SFXN5: variants seen among roughly 807,000 people sequenced by gnomAD.
The protein encoded by SFXN5 is sideroflexin 5, also known as sideroflexin-5.
Under a neutral mutation model 50.2 loss-of-function variants are expected in SFXN5, and 43 were observed. That is an observed-to-expected ratio of 0.86 (90% confidence interval 0.67 to 1.11). The LOEUF (loss-of-function observed/expected upper bound fraction) is 1.11. Ranked by LOEUF, SFXN5 falls within the 50% of genes least tolerant of loss-of-function variation. The probability of loss-of-function intolerance (pLI) is 0.00; values close to 1 mark genes in which losing one functional copy is unlikely to be tolerated. For missense variants in SFXN5, 463 were observed against 454.1 expected (o/e 1.02, Z -0.18); for synonymous variants, 203 against 185.8 (o/e 1.09, Z -0.75).
intron 2 of SFXN5, among the ~76,000 whole-genome samples, chr2:73,048,193 T>C (rs768968345): frequency 1.3e-5 from 2 of 152,240 alleles, no homozygotes; most frequent in Non-Finnish European, 2.9e-5. Context: ...TATAGAGATA[T>C]AGATACGTAC....
intron 10 of SFXN5, among the ~76,000 whole-genome samples, chr2:72,986,244 T>C (rs1671911482): frequency 6.6e-6 from 1 of 152,210 alleles, no homozygotes; most frequent in African/African-American, 2.4e-5. Context: ...GGTGGCTGGT[T>C]CTCGGAATTC....
rs181166696 is a variant in SFXN5 at position 73,069,765 on chromosome 2, G to A, written c.102+1839C>T. Among the ~76,000 whole-genome samples the A allele has an allele frequency of 2.6e-5, 4 of 152,054 alleles. No individual in the cohort carries two copies. In the East Asian group the frequency reaches 7.7e-4, roughly 29 times the overall value. Reference sequence around the variant, plus strand: ...AGACGTATTTGATAAATGTCTGTTAGGTCACTGAATGTCCCTAGTGCCACA... The same window carrying A: ...AGACGTATTTGATAAATGTCTGTTAAGTCACTGAATGTCCCTAGTGCCACA... On this transcript the variant is annotated intron_variant, in intron 1 of 13. Coordinates refer to ENST00000272433, the MANE Select transcript of SFXN5 (RefSeq NM_144579.3).
chr2:72,969,697 C>CTT (rs35747238), intron 11 of SFXN5, among the ~76,000 whole-genome samples: 3,310 of 142,068 alleles, frequency 0.023, 131 homozygotes, highest in African/African-American at 0.078. Context: ...GCCCGGCCTA[C>CTT]TTTTTTTTTT....
chr2:72,954,066 G>A (rs1000048300), intron 13 of SFXN5, among the ~76,000 whole-genome samples: 16 of 152,256 alleles, frequency 1.1e-4, no homozygotes, highest in Non-Finnish European at 1.9e-4. Flanking sequence ...TTCCTGCCTC[G>A]TCTACCACAT....
chr2:73,056,975 G>T (rs905677638), intron 2 of SFXN5, among the ~76,000 whole-genome samples: 1 of 152,092 alleles, frequency 6.6e-6, no homozygotes, highest in African/African-American at 2.4e-5. Context: ...CACAAAGAAT[G>T]TTCATATAGT....
intron 3 of SFXN5, among the ~76,000 whole-genome samples, chr2:73,039,880 G>A (rs1034890057): frequency 6.6e-6 from 1 of 151,322 alleles, no homozygotes; most frequent in African/African-American, 2.4e-5. Context: ...GCGCAGTCTC[G>A]GCTCACTGCA....
intron 10 of SFXN5, among the ~76,000 whole-genome samples, chr2:72,985,082 C>T (rs1671741426): frequency 6.6e-6 from 1 of 152,172 alleles, no homozygotes; most frequent in South Asian, 2.1e-4. Context: ...CCTTCCACTC[C>T]ACTCACATCC....
At chr2:72,978,268 C>T (rs928656582) in intron 10 of SFXN5, among the ~76,000 whole-genome samples, 3 of 150,920 alleles carry the variant, frequency 2.0e-5, no homozygotes, top group African/African-American at 7.3e-5. Flanking sequence ...CAGATGAACG[C>T]ATTTTTCTTT....
At chr2:72,994,961 T>C (rs1288731993) in intron 9 of SFXN5, 4 of 152,606 alleles carry the variant, frequency 2.6e-5, no homozygotes, top group African/African-American at 4.8e-5. Context: ...GCTCTCTCCA[T>C]TCTGTCCTAC....
intron 9 of SFXN5, chr2:72,996,491 G>C (rs1673249961): frequency 6.8e-6 from 1 of 146,916 alleles, no homozygotes; most frequent in Non-Finnish European, 1.5e-5. Flanking sequence ...GGAGCTCTCA[G>C]AAAAAGCTGA....
Position 73,058,586 on chromosome 2 carries a change from T to C in SFXN5, c.113A>G (p.Tyr38Cys), listed in dbSNP as rs774030456. ...ATCCAAGAAGTGCCTGAAGCGGCCA[T>C]AGAAGGACGTCTGAAGAAGAGGATG... is the stretch of plus-strand genomic sequence containing the variant. ...GKPRFQQTSF[Y>C]GRFRHFLDII... is the part of the protein sequence containing the mutation. Residue 38 changes from tyrosine (Y) to cysteine (C), a missense_variant, in exon 2 of 14, where the codon TAT (tyrosine) becomes TGT (cysteine). Coordinates refer to ENST00000272433, the MANE Select transcript of SFXN5 (RefSeq NM_144579.3). 3.1e-6 allele frequency: 5 copies of C among 1,614,010 alleles called. No individual in the cohort carries two copies. The highest frequency in any genetic ancestry group is 2.2e-5 in the East Asian group (1 of 44,862).
intron 1 of SFXN5, among the ~76,000 whole-genome samples, chr2:73,069,621 T>A (rs979855055): frequency 1.3e-5 from 2 of 152,142 alleles, no homozygotes; most frequent in Non-Finnish European, 2.9e-5. Context: ...TTTTACTGCC[T>A]TCAAGAGCAG....
intron 10 of SFXN5, among the ~76,000 whole-genome samples, chr2:72,985,950 G>A (rs940294100): frequency 5.3e-5 from 8 of 152,146 alleles, no homozygotes; most frequent in African/African-American, 1.2e-4. Flanking sequence ...ATGGGCCCCC[G>A]GCAAAGTTCT....
At chr2:72,972,039 G>A (rs906224209) in intron 10 of SFXN5, among the ~76,000 whole-genome samples, 13 of 152,328 alleles carry the variant, frequency 8.5e-5, no homozygotes, top group Non-Finnish European at 5.9e-5. Context: ...ACCTGAAGTC[G>A]CATCCCCCCT....
rs1672414428 is a variant in SFXN5, at chr2:72,950,487, G to A, written c.946-5388C>T. 1.3e-5 allele frequency among the ~76,000 whole-genome samples: 2 copies of A among 152,190 alleles called. No homozygotes were observed. Among genetic ancestry groups the A allele is most frequent in the Non-Finnish European group, 2.9e-5 (2 of 68,030 alleles). ...GTTGGGTCAGTGGCCACCATCTCTA[G>A]GTCTCATGGGTATTGGGACCACTGG... On this transcript the variant is annotated intron_variant, in intron 13 of 13. Coordinates refer to ENST00000272433, the MANE Select transcript of SFXN5 (RefSeq NM_144579.3). The surrounding 1 kb of genome is among the most constrained non-coding windows in gnomAD (Gnocchi z 4.2).
intron 11 of SFXN5, among the ~76,000 whole-genome samples, chr2:72,970,109 A>T (rs560873386): frequency 3.9e-5 from 6 of 152,118 alleles, no homozygotes; most frequent in Non-Finnish European, 7.4e-5. Context: ...GCTGTGTGAC[A>T]CTGACAGGAG....
chr2:73,071,604 C>G lies in SFXN5; in HGVS notation c.102G>C (p.Gln34His), dbSNP rs760143770. ...PFQLGKPRFQ[Q>H]TSFYGRFRHF... ...CCGCAGACCACAGCCCGGTCCTCACCTGCTGGAAGCGGGGTTTGCCCAGTT... is the reference window on the plus strand; with the variant it reads ...CCGCAGACCACAGCCCGGTCCTCACGTGCTGGAAGCGGGGTTTGCCCAGTT... The change falls in exon 1 of 14, where the codon CAG (glutamine) becomes CAC (histidine). Residue 34 changes from glutamine to histidine, a missense_variant and splice_region_variant. Gln to His is a conservative substitution (Grantham distance 24, BLOSUM62 0). Transcript: ENST00000272433. 44 of 1,613,510 alleles carry G rather than the reference C, an allele frequency of 2.7e-5. No homozygotes were observed. Among genetic ancestry groups the G allele is most frequent in the Non-Finnish European group, 3.7e-5 (44 of 1,179,808 alleles).
chr2:72,988,371 C>A (rs1312323774), intron 9 of SFXN5, 23 bp from the exon 10 acceptor site: 2 of 1,608,626 alleles, frequency 1.2e-6, no homozygotes, highest in Non-Finnish European at 1.7e-6. Flanking sequence ...AAAATAAAAA[C>A]ACAGAAAAAG....
At chr2:72,968,345 G>C in intron 12 of SFXN5, 103 bp downstream of exon 12, 1 of 1,046,704 alleles carries the variant, frequency 9.6e-7, no homozygotes, top group Non-Finnish European at 1.4e-6. Context: ...ACTGGGGTGG[G>C]CTTCCTGCCA....
Sources: gnomAD v4.1 joint callset for allele counts (sites outside exome capture counted in the v4.1 genomes callset) on GRCh38, gnomAD v4.1.1 for gene constraint, Gnocchi (gnomAD v3.1) non-coding constraint, MANE v1.5 for transcripts, NCBI Gene and HGNC (gene_info 2026-07-23, HGNC 2026-07-21) for gene names.